The following DYNC2H1 variants were observed in gnomAD, a reference collection of about 807,000 sequenced individuals.
The protein encoded by DYNC2H1 is dynein cytoplasmic 2 heavy chain 1.
Under a neutral mutation model 570.0 loss-of-function variants are expected in DYNC2H1, and 410 were observed. The observed-to-expected ratio is 0.72, with a 90% CI of 0.66 to 0.78. The LOEUF (loss-of-function observed/expected upper bound fraction) is 0.78, where lower values mean the gene tolerates loss of function less well. DYNC2H1 is among the 30% of genes least tolerant of loss of function. The pLI, the probability that DYNC2H1 is intolerant of heterozygous loss-of-function variation, is 0.00. For synonymous variants in DYNC2H1, 1,688 were observed against 1,677.6 expected (o/e 1.01, Z -0.15); for missense variants, 4,865 against 5,046.4 (o/e 0.96, Z 1.09).
At chr11:103,291,816 T>A (rs1866611782) in intron 75 of DYNC2H1, among the ~76,000 whole-genome samples, 1 of 152,228 alleles carries the variant, frequency 6.6e-6, no homozygotes, top group African/African-American at 2.4e-5. Context: ...ACTTTGTTGG[T>A]CTCTTTCTAT....
intron 70 of DYNC2H1, among the ~76,000 whole-genome samples, chr11:103,276,209 A>G (rs1048002637): frequency 6.6e-6 from 1 of 152,276 alleles, no homozygotes; most frequent in African/African-American, 2.4e-5. Context: ...ACACATGCAC[A>G]TCCCCAATAT....
Position 103,283,071 on chromosome 11 carries a change from G to A in DYNC2H1, c.10876G>A (p.Val3626Met), listed in dbSNP as rs201852557. Reference protein sequence around the residue: ...SWIDQERSWAVATLKIALPSL... With the variant: ...SWIDQERSWAMATLKIALPSL... ...GATAGATCAGGAACGAAGCTGGGCC[G>A]TGGCAACATTAAAGGTATTCCTTTT... The change falls in exon 73 of 89, where the codon GTG becomes ATG. Residue 3626 changes from valine (V) to methionine (M), a missense_variant. Val to Met is a conservative substitution (Grantham distance 21). Transcript: ENST00000375735. 7.4e-5 allele frequency: 119 copies of A among 1,606,390 alleles called. No homozygotes were observed. Among genetic ancestry groups the A allele is most frequent in the Admixed American group, 3.9e-4 (23 of 59,532 alleles).
chr11:103,459,189 G>C (rs1313706090), intron 87 of DYNC2H1, among the ~76,000 whole-genome samples: 1 of 146,772 alleles, frequency 6.8e-6, no homozygotes, highest in South Asian at 2.2e-4. Flanking sequence ...GGCGCCTGTA[G>C]TCCCAGCTAC....
chr11:103,120,166 G>C (rs1043621903), intron 6 of DYNC2H1, among the ~76,000 whole-genome samples: 2 of 152,014 alleles, frequency 1.3e-5, no homozygotes, highest in Non-Finnish European at 2.9e-5. Context: ...TTTAAACTGT[G>C]TTAAACTTTA....
intron 80 of DYNC2H1, among the ~76,000 whole-genome samples, chr11:103,320,001 T>A (rs1469786639): frequency 6.6e-6 from 1 of 152,180 alleles, no homozygotes; most frequent in East Asian, 1.9e-4. Flanking sequence ...AGATAATCAA[T>A]TTTTGTCATA....
At chr11:103,173,428 A>G (rs1861658063) in intron 35 of DYNC2H1, 123 bp downstream of exon 35, 1 of 680,304 alleles carries the variant, frequency 1.5e-6, no homozygotes, top group South Asian at 3.0e-5. Flanking sequence ...TGATGATTTT[A>G]TTGTACTTAT....
At chr11:103,282,897 T>A (rs1056319786) in intron 72 of DYNC2H1, 111 bp from the exon 73 acceptor site, 2 of 737,154 alleles carry the variant, frequency 2.7e-6, no homozygotes, top group Non-Finnish European at 2.2e-6. Flanking sequence ...TATAAAGAAA[T>A]AATGCATAGA....
At chr11:103,308,140 A>G (rs527728048) in intron 78 of DYNC2H1, among the ~76,000 whole-genome samples, 6 of 152,252 alleles carry the variant, frequency 3.9e-5, no homozygotes, top group African/African-American at 7.2e-5. Context: ...AACTTTTTTT[A>G]TCTTGCAAAA....
At chr11:103,255,351 A>G in intron 66 of DYNC2H1, 64 bp from the exon 67 acceptor site, 1 of 1,502,752 alleles carries the variant, frequency 6.7e-7, no homozygotes, top group South Asian at 1.3e-5. Flanking sequence ...GCCTGTTTGC[A>G]GGAAGTTTTT....
chr11:103,296,654 A>G (rs1866840503), intron 75 of DYNC2H1, among the ~76,000 whole-genome samples: 1 of 152,076 alleles, frequency 6.6e-6, no homozygotes, highest in Admixed American at 6.6e-5. Flanking sequence ...GCTGTAATCA[A>G]AGCTCAACTC....
chr11:103,287,863 A>G, intron 75 of DYNC2H1: 1 of 342,956 alleles, frequency 2.9e-6, no homozygotes, highest in East Asian at 4.9e-5. Context: ...GAGAATTGCC[A>G]TGGAGAAAGA....
rs377636586 is a variant in DYNC2H1 at position 103,120,973 on chromosome 11, A to G, written c.1297A>G (p.Ile433Val). The change falls in exon 9 of 89, where the codon ATA becomes GTA. Residue 433 changes from isoleucine to valine, a missense_variant. This residue lies in a region of DYNC2H1 where 1,936 missense variants were observed against 1,962.1 expected (regional missense o/e 0.99). Transcript: ENST00000375735. ...TAAAGAGTTGGTAAAGCGTCCAACT[A>G]TAAGCAAAGAATTGATGTTAGAAAG... ...KYKELVKRPTISKELMLERET... is the reference protein window; with the variant it reads ...KYKELVKRPTVSKELMLERET... 2.7e-5 allele frequency: 43 copies of G among 1,584,272 alleles called. No homozygotes were observed. The African/African-American group carries it at 4.9e-4, about 18-fold the overall frequency.
chr11:103,278,451 G>A (rs906355636), intron 70 of DYNC2H1, among the ~76,000 whole-genome samples: 2 of 152,150 alleles, frequency 1.3e-5, no homozygotes, highest in African/African-American at 4.8e-5. Context: ...TTACAGAGAA[G>A]GAAACTGAGG....
At chr11:103,120,667 A>C in intron 7 of DYNC2H1, 22 bp from the exon 8 acceptor site, 1 of 1,609,536 alleles carries the variant, frequency 6.2e-7, no homozygotes, top group Non-Finnish European at 8.5e-7. Flanking sequence ...CTAAAGTCTA[A>C]CAATGTTGTT....
Position 103,455,246 on chromosome 11 carries a change from CT to C in DYNC2H1, c.12521del (p.Phe4174SerfsTer28). The C allele has an allele frequency of 6.2e-7, 1 of 1,613,436 alleles. No homozygotes were observed. The highest frequency in any genetic ancestry group is 8.5e-7 in the Non-Finnish European group (1 of 1,179,558). On this transcript the variant is annotated frameshift_variant, in exon 86 of 89. Coordinates refer to ENST00000375735, the MANE Select transcript of DYNC2H1 (RefSeq NM_001377.3). LOFTEE classifies it high-confidence loss of function. ...LLSETLDLSE[L>X]FHPDTFLNAL... ...CTCTGAAACACTTGACCTATCAGAA[CT>C]TTTCCATCCAGACACATTTCTTAAT...
chr11:103,343,083 A>C (rs1939551866), intron 82 of DYNC2H1, among the ~76,000 whole-genome samples: 1 of 151,754 alleles, frequency 6.6e-6, no homozygotes, highest in African/African-American at 2.4e-5. Flanking sequence ...ACAACCCCTG[A>C]CTCTTTGGAG....
At position 103,307,736 on chromosome 11, in the gene DYNC2H1, C is replaced by G. The variant is rs1273773774; in HGVS notation, c.11398C>G (p.Gln3800Glu). 3.8e-6 allele frequency: 6 copies of G among 1,593,276 alleles called. No individual in the cohort carries two copies. The highest frequency in any genetic ancestry group is 1.7e-6 in the Non-Finnish European group (2 of 1,168,652). ...PVLEKELNTLQPKDTFRLWLT... is the reference protein window; with the variant it reads ...PVLEKELNTLEPKDTFRLWLT... ...TGTAAACAAGGAATTGAATACTCTTCAACCTAAAGATACCTTTCGTCTTTG... is the reference window on the plus strand; with the variant it reads ...TGTAAACAAGGAATTGAATACTCTTGAACCTAAAGATACCTTTCGTCTTTG... Residue 3800 changes from glutamine (Q) to glutamate (E), a missense_variant, in exon 78 of 89, where the codon CAA (glutamine) becomes GAA (glutamate). Transcript: ENST00000375735.
In DYNC2H1 at chr11:103,252,281, A is replaced by G. The variant is rs1651420054; in HGVS notation, c.10043-1004A>G. ...GTTGATGGACATTCAGGTTGTTTCCATGTCTTGGCTGTTGTGAATAATGCT... is the reference window on the plus strand; with the variant it reads ...GTTGATGGACATTCAGGTTGTTTCCGTGTCTTGGCTGTTGTGAATAATGCT... On this transcript the variant is annotated intron_variant, in intron 65 of 88. Transcript: ENST00000375735. The surrounding 1 kb of genome is among the most constrained non-coding windows in gnomAD (Gnocchi z 4.6). Among the ~76,000 whole-genome samples the G allele has an allele frequency of 6.6e-6, 1 of 151,942 alleles. No individual in the cohort carries two copies.
intron 73 of DYNC2H1, among the ~76,000 whole-genome samples, chr11:103,285,424 C>CTTTTTTTTTTTTT (rs60667279): frequency 7.3e-6 from 1 of 137,018 alleles, no homozygotes; most frequent in Non-Finnish European, 1.5e-5. Flanking sequence ...TTTTTCTTTT[C>CTTTTTTTTTTTTT]TTTTTTTTTT....
Sources: allele counts gnomAD v4.1 joint callset (sites outside exome capture counted in the v4.1 genomes callset), GRCh38; gene constraint gnomAD v4.1.1; regional missense constraint gnomAD v4.1.1; non-coding constraint Gnocchi (gnomAD v3.1); transcripts MANE v1.5; gene names NCBI Gene and HGNC (gene_info 2026-07-23, HGNC 2026-07-21).